The following UQCRC2 variants were observed in gnomAD, a reference collection of about 807,000 sequenced individuals.
The protein encoded by UQCRC2 is cytochrome b-c1 complex subunit 2, mitochondrial.
Under a neutral mutation model 55.6 loss-of-function variants are expected in UQCRC2, and 49 were observed. The ratio of observed to expected loss-of-function variants is 0.88; its 90% CI spans 0.70 to 1.12. The LOEUF is 1.12. UQCRC2 is among the 50% of genes most tolerant of loss of function. The pLI, the probability that UQCRC2 is intolerant of heterozygous loss-of-function variation, is 0.00. For synonymous variants in UQCRC2, 193 were observed against 192.0 expected, an observed-to-expected ratio of 1.01 and a Z score of -0.04; for missense variants, 506 against 547.8, an observed-to-expected ratio of 0.92 and a Z score of 0.76.
In UQCRC2 at chr16:21,980,543, A is replaced by T; in HGVS notation, c.1125-4A>T. 6.2e-7 allele frequency: 1 copy of T among 1,612,280 alleles called. No homozygotes were observed. Reference sequence around the variant, plus strand: ...AAAACTGACTTCTGCCTTTTATTGGACAGGAACAAGCTGAAAGCTGGATAC... The same window carrying T: ...AAAACTGACTTCTGCCTTTTATTGGTCAGGAACAAGCTGAAAGCTGGATAC... On this transcript the variant is annotated splice_polypyrimidine_tract_variant and splice_region_variant and intron_variant, in intron 12 of 13. Transcript: ENST00000268379.
chr16:21,971,817 C>A, intron 9 of UQCRC2, 106 bp from the exon 10 acceptor site: 1 of 1,519,758 alleles, frequency 6.6e-7, no homozygotes, highest in Non-Finnish European at 9.0e-7. Flanking sequence ...CACCGAGCTG[C>A]AGAAAAGACT....
At chr16:21,976,331 C>A in intron 12 of UQCRC2, 88 bp downstream of exon 12, 1 of 1,137,222 alleles carries the variant, frequency 8.8e-7, no homozygotes, top group South Asian at 1.3e-5. Context: ...AATCTATGCT[C>A]ATAAGGACTG....
chr16:21,974,113 T>C (rs1898527329), intron 11 of UQCRC2, 137 bp downstream of exon 11: 4 of 718,312 alleles, frequency 5.6e-6, no homozygotes, highest in South Asian at 2.1e-5. Flanking sequence ...TATGATGTCA[T>C]TGAAGCATTA....
At chr16:21,970,817 C>T (rs1008404319) in intron 8 of UQCRC2, among the ~76,000 whole-genome samples, 3 of 152,162 alleles carry the variant, frequency 2.0e-5, no homozygotes, top group African/African-American at 7.2e-5. Context: ...AACTCCTGAG[C>T]TCAGGTGATC....
chr16:21,968,559 AC>A, intron 7 of UQCRC2, 68 bp from the exon 8 acceptor site: 1 of 1,406,962 alleles, frequency 7.1e-7, no homozygotes, highest in Non-Finnish European at 9.7e-7. Context: ...TCCAAACTGT[AC>A]TTTTATGTTT....
At chr16:21,975,613 C>T (rs556653946) in intron 11 of UQCRC2, among the ~76,000 whole-genome samples, 1 of 152,158 alleles carries the variant, frequency 6.6e-6, no homozygotes, top group East Asian at 1.9e-4. Flanking sequence ...TTTTAAATAC[C>T]ATACAAGGAT....
In UQCRC2 at chr16:21,962,973, A is replaced by T. The variant is rs796400965; in HGVS notation, c.514+88A>T. 2.9e-6 allele frequency: 4 copies of T among 1,361,948 alleles called. No homozygotes were observed. In the African/African-American group the frequency reaches 5.9e-5, roughly 20 times the overall value. 84.4% of individuals were successfully genotyped at this position (1,361,948 alleles called of 1,614,324 possible). A position where few individuals can be genotyped will look rare whatever the true frequency, so the allele number is the denominator to read the frequency against. Reference sequence around the variant, plus strand: ...TAGAAGAAAAAAAATTGCTGTCAAAATTTTTATTTTTATTTTTATTTATTT... The same window carrying T: ...TAGAAGAAAAAAAATTGCTGTCAAATTTTTTATTTTTATTTTTATTTATTT... On this transcript the variant is annotated intron_variant, in intron 6 of 13. Coordinates refer to ENST00000268379, the MANE Select transcript of UQCRC2 (RefSeq NM_003366.4).
rs2141941048 is a variant in UQCRC2, at chr16:21,971,522, C to G, written c.671-3C>G. ...AGCTTTGTTTTTGCTTCTGTTGAAA[C>G]AGGTGTGAGTCATCCTGTTCTAAAG... On this transcript the variant is annotated splice_polypyrimidine_tract_variant and splice_region_variant and intron_variant, in intron 8 of 13. Transcript: ENST00000268379. 6.2e-7 allele frequency: 1 copy of G among 1,603,934 alleles called. No individual in the cohort carries two copies. Among genetic ancestry groups the G allele is most frequent in the Admixed American group, 1.7e-5 (1 of 58,368 alleles).
chr16:21,961,011 G>A (rs1225355331), intron 4 of UQCRC2, among the ~76,000 whole-genome samples: 1 of 151,896 alleles, frequency 6.6e-6, no homozygotes, highest in Non-Finnish European at 1.5e-5. Context: ...TTTATTTTTT[G>A]TACAAATGGA....
intron 12 of UQCRC2, chr16:21,976,523 C>G: frequency 3.3e-6 from 1 of 301,760 alleles, no homozygotes; most frequent in Non-Finnish European, 6.2e-6. Context: ...AAGACCTCGT[C>G]TCCACCAAAA....
In UQCRC2 at chr16:21,962,444, T is replaced by G; in HGVS notation, c.333-16T>G. The G allele has an allele frequency of 6.2e-7, 1 of 1,614,078 alleles. No individual in the cohort carries two copies. Among genetic ancestry groups the G allele is most frequent in the Non-Finnish European group, 8.5e-7 (1 of 1,179,936 alleles). The stretch of plus-strand genomic sequence containing the variant: ...CCTGATTCAGATGATTTACTCTAGT[T>G]TATTTTCCGATTCAGTGTGACCGCA... On this transcript the variant is annotated splice_polypyrimidine_tract_variant and intron_variant, in intron 4 of 13. Transcript: ENST00000268379.
In UQCRC2 at chr16:21,958,448, C is replaced by G. The variant is rs370714352; in HGVS notation, c.268-87C>G. The G allele has an allele frequency of 5.5e-5, 63 of 1,155,718 alleles. 1 individual carries two copies. The East Asian group carries it at 8.4e-4, about 15-fold the overall frequency. 71.6% of individuals were successfully genotyped at this position (1,155,718 alleles called of 1,614,324 possible). A position where few individuals can be genotyped will look rare whatever the true frequency, so the allele number is the denominator to read the frequency against. On this transcript the variant is annotated intron_variant, in intron 3 of 13. Coordinates refer to ENST00000268379, the MANE Select transcript of UQCRC2 (RefSeq NM_003366.4). ...GAATTTAGTAAAATTCTTTTTAAAT[C>G]TGCTCACAACAGATTTTGATATAGT...
chr16:21,953,541 T>G, intron 1 of UQCRC2, 85 bp downstream of exon 1: 1 of 1,528,292 alleles, frequency 6.5e-7, no homozygotes. Context: ...TGGTCTGGGG[T>G]CTGGGCCTTG....
At chr16:21,957,167 A>C in intron 1 of UQCRC2, 68 bp from the exon 2 acceptor site, 8 of 1,501,752 alleles carry the variant, frequency 5.3e-6, no homozygotes, top group Non-Finnish European at 7.3e-6. Context: ...GTACCCTAAG[A>C]TACCATGCTT....
At chr16:21,968,410 T>C (rs1898378957) in intron 7 of UQCRC2, 1 of 388,908 alleles carries the variant, frequency 2.6e-6, no homozygotes, top group Non-Finnish European at 4.6e-6. Flanking sequence ...ATTCACAGAG[T>C]TGTGCAACCA....
chr16:21,980,862 A>G (rs906364193), intron 13 of UQCRC2, among the ~76,000 whole-genome samples, 162 bp downstream of exon 13: 3 of 152,142 alleles, frequency 2.0e-5, no homozygotes, highest in African/African-American at 7.2e-5. Flanking sequence ...AAGATCCGCA[A>G]CAAGCTTCCC....
chr16:21,977,752 C>T (rs368048373), intron 12 of UQCRC2, among the ~76,000 whole-genome samples: 40 of 152,332 alleles, frequency 2.6e-4, no homozygotes, highest in African/African-American at 8.9e-4. Context: ...TCGTTATGAT[C>T]ATTTAGTATT....
At chr16:21,964,087 T>G (rs991845420) in intron 6 of UQCRC2, among the ~76,000 whole-genome samples, 1 of 152,130 alleles carries the variant, frequency 6.6e-6, no homozygotes, top group East Asian at 1.9e-4. Flanking sequence ...ATAGCTCAAC[T>G]CAGTGGTTCA....
At chr16:21,961,560 A>C (rs1253843536) in intron 4 of UQCRC2, 1 of 149,650 alleles carries the variant, frequency 6.7e-6, no homozygotes, top group East Asian at 2.0e-4. Flanking sequence ...TTGGAAGGGT[A>C]CGAAAAGATC....
Sources: allele counts gnomAD v4.1 joint callset (sites outside exome capture counted in the v4.1 genomes callset), GRCh38; gene constraint gnomAD v4.1.1; transcripts MANE v1.5; gene names NCBI Gene and HGNC (gene_info 2026-07-23, HGNC 2026-07-21).